Variants in DIAPH1 observed in about 807,000 individuals in gnomAD.
The protein encoded by DIAPH1 is diaphanous related formin 1.
In DIAPH1, 46 loss-of-function variants were observed where a neutral mutation model predicts 140.7. That is an observed-to-expected ratio of 0.33 (90% CI 0.26 to 0.42). DIAPH1 has a LOEUF of 0.42. Ranked by LOEUF, DIAPH1 falls within the 10% of genes least tolerant of loss-of-function variation. The pLI is 1.00. For synonymous variants in DIAPH1, 565 were observed against 551.6 expected (o/e 1.02, Z -0.34); for missense variants, 1,310 against 1,558.7 (o/e 0.84, Z 2.69).
In DIAPH1 at chr5:141,532,355, G is replaced by A. The variant is rs7356685; in HGVS notation, c.2581+1980C>T. 2.5e-3 allele frequency among the ~76,000 whole-genome samples: 377 copies of A among 152,200 alleles called. 4 individuals are homozygous for A. The highest frequency in any genetic ancestry group is 8.7e-3 in the African/African-American group (361 of 41,528). On this transcript the variant is annotated intron_variant, in intron 19 of 27. Coordinates refer to ENST00000389054, the MANE Select transcript of DIAPH1 (RefSeq NM_005219.5). ...CAGCTAGTATTTTATGTTTTGTAGA[G>A]ACAGGGGTCTTGCTTTGTTTCCCAG...
chr5:141,597,833 TCAA>T (rs1371449688), intron 1 of DIAPH1, among the ~76,000 whole-genome samples: 1 of 152,232 alleles, frequency 6.6e-6, no homozygotes, highest in African/African-American at 2.4e-5. Flanking sequence ...ACCTGGACTG[TCAA>T]GGATACTCAT....
chr5:141,547,195 T>C (rs1281949215), intron 18 of DIAPH1, among the ~76,000 whole-genome samples: 1 of 152,236 alleles, frequency 6.6e-6, no homozygotes, highest in Non-Finnish European at 1.5e-5. Flanking sequence ...TCTATGAACA[T>C]TCAGCCAGGC....
intron 1 of DIAPH1, among the ~76,000 whole-genome samples, chr5:141,609,227 T>TA (rs1302010126): frequency 6.7e-6 from 1 of 149,792 alleles, no homozygotes; most frequent in African/African-American, 2.5e-5. Context: ...CTAAGCCTAG[T>TA]ACTTTTTTCC....
In DIAPH1 at chr5:141,614,410, G is replaced by A. The variant is rs140378831; in HGVS notation, c.117+4388C>T. 9.7e-3 allele frequency among the ~76,000 whole-genome samples: 1,478 copies of A among 152,118 alleles called. 27 individuals are homozygous for A. Among genetic ancestry groups the A allele is most frequent in the African/African-American group, 0.033 (1,389 of 41,490 alleles). The stretch of plus-strand genomic sequence containing the variant: ...ACATTTATAAAATACCAAGGGCCTT[G>A]GGGAATAACAAAAGGTGATTCTAAG... On this transcript the variant is annotated intron_variant, in intron 1 of 27. Coordinates refer to ENST00000389054, the MANE Select transcript of DIAPH1 (RefSeq NM_005219.5).
rs570141639 is a variant in DIAPH1, at chr5:141,557,038, AT to A, written c.2482+14389del. Among the ~76,000 whole-genome samples the A allele has an allele frequency of 9.5e-4, 144 of 152,310 alleles. 1 individual carries two copies. The highest frequency in any genetic ancestry group is 3.3e-3 in the African/African-American group (137 of 41,566). ...ATTAAGTCTATAAATAAATTGCAAA[AT>A]AAAAAATAAAAAAGAGCATAAGAGA... On this transcript the variant is annotated intron_variant, in intron 18 of 27. Coordinates refer to ENST00000389054, the MANE Select transcript of DIAPH1 (RefSeq NM_005219.5).
chr5:141,615,967 G>A (rs1355364342), intron 1 of DIAPH1, among the ~76,000 whole-genome samples: 1 of 152,154 alleles, frequency 6.6e-6, no homozygotes, highest in East Asian at 1.9e-4. Context: ...TGAAAAGTCA[G>A]AAAACCCTCT....
chr5:141,563,568 T>C (rs1173256858), intron 18 of DIAPH1: 3 of 152,178 alleles, frequency 2.0e-5, no homozygotes, highest in Admixed American at 2.0e-4. Flanking sequence ...GTTAGAAGTT[T>C]AAGTAATACT....
Position 141,573,749 on chromosome 5 carries a change from GA to G in DIAPH1, c.2100del (p.Pro703HisfsTer65). 7.9e-7 allele frequency: 1 copy of G among 1,258,436 alleles called. No individual in the cohort carries two copies. The highest frequency in any genetic ancestry group is 1.1e-6 in the Non-Finnish European group (1 of 951,574). 78.0% of individuals were successfully genotyped at this position (1,258,436 alleles called of 1,614,324 possible). ...PPPPLPGSAG[I>X]PPPPPPLPGE... ...CCAGGCAAGGGAGGAGGTGGGGGGG[GA>G]ATTCCAGCACTCCCAGGCAAAGGAG... is the stretch of plus-strand genomic sequence containing the variant. On this transcript the variant is annotated frameshift_variant, in exon 16 of 28. Coordinates refer to ENST00000389054, the MANE Select transcript of DIAPH1 (RefSeq NM_005219.5). LOFTEE classifies it high-confidence loss of function.
At chr5:141,578,965 G>C (rs1422716932) in intron 9 of DIAPH1, 123 bp downstream of exon 9, 4 of 829,666 alleles carry the variant, frequency 4.8e-6, no homozygotes, top group Non-Finnish European at 8.5e-6. Flanking sequence ...CTTCATAACA[G>C]ATTCTGAAAT....
chr5:141,572,081 C>A, intron 16 of DIAPH1, 41 bp from the exon 17 acceptor site: 1 of 1,415,420 alleles, frequency 7.1e-7, no homozygotes, highest in Admixed American at 1.7e-5. Flanking sequence ...GTAAACTGAG[C>A]CCTGTACTTT....
At chr5:141,542,537 G>A (rs1027442433) in intron 18 of DIAPH1, among the ~76,000 whole-genome samples, 1 of 152,154 alleles carries the variant, frequency 6.6e-6, no homozygotes, top group African/African-American at 2.4e-5. Flanking sequence ...ATGAGCTACT[G>A]ATAACATGAT....
chr5:141,614,876 C>G (rs916594160), intron 1 of DIAPH1, among the ~76,000 whole-genome samples: 1 of 150,844 alleles, frequency 6.6e-6, no homozygotes, highest in African/African-American at 2.4e-5. Context: ...CAAACTTTTG[C>G]AAAGCTCTCT....
intron 18 of DIAPH1, among the ~76,000 whole-genome samples, chr5:141,546,946 T>C (rs1413590811): frequency 1.3e-5 from 2 of 152,256 alleles, no homozygotes; most frequent in African/African-American, 4.8e-5. Context: ...CCACCATTGT[T>C]ATATGCAATG....
Position 141,584,139 on chromosome 5 carries a change from C to T in DIAPH1, c.387G>A (p.Leu129=). ...IIKREMVSQY[L]YTSKAGMSQK... is the part of the protein sequence containing the mutation. ...CAGGACTCACAGCCTTGGAGGTGTACAAGTATTGGGACACCATCTCCCTCT... is the reference window on the plus strand; with the variant it reads ...CAGGACTCACAGCCTTGGAGGTGTATAAGTATTGGGACACCATCTCCCTCT... Residue 129 remains leucine (L), a synonymous_variant, in exon 4 of 28, where the codon TTG becomes TTA. Coordinates refer to ENST00000389054, the MANE Select transcript of DIAPH1 (RefSeq NM_005219.5). 1 of 1,609,772 alleles carries T rather than the reference C, an allele frequency of 6.2e-7. No homozygotes were observed. The highest frequency in any genetic ancestry group is 8.5e-7 in the Non-Finnish European group (1 of 1,176,364).
chr5:141,536,201 T>G (rs546327061), intron 18 of DIAPH1: 12 of 293,220 alleles, frequency 4.1e-5, no homozygotes, highest in African/African-American at 2.2e-4. Context: ...ACTCAGGAGG[T>G]TGACGTGGGA....
intron 21 of DIAPH1, 21 bp from the exon 22 acceptor site, chr5:141,528,962 T>C: frequency 6.2e-7 from 1 of 1,613,544 alleles, no homozygotes; most frequent in Non-Finnish European, 8.5e-7. Flanking sequence ...ACACAAGCAG[T>C]TCCATTACAG....
At chr5:141,545,378 A>G (rs1303953722) in intron 18 of DIAPH1, among the ~76,000 whole-genome samples, 4 of 152,240 alleles carry the variant, frequency 2.6e-5, no homozygotes, top group Admixed American at 6.5e-5. Context: ...ACAGCTGGAC[A>G]CAGTGGCTCA....
intron 19 of DIAPH1, among the ~76,000 whole-genome samples, chr5:141,534,093 T>C (rs1480638958): frequency 6.6e-6 from 1 of 150,710 alleles, no homozygotes; most frequent in Non-Finnish European, 1.5e-5. Context: ...ACTAGCTTTA[T>C]GTCTAAGCAA....
At chr5:141,570,806 A>C (rs974767192) in intron 18 of DIAPH1, among the ~76,000 whole-genome samples, 2 of 152,198 alleles carry the variant, frequency 1.3e-5, no homozygotes, top group Non-Finnish European at 2.9e-5. Flanking sequence ...ATACTATCTC[A>C]GGGGAAGTAA....
Sources: gnomAD v4.1 joint callset for allele counts (sites outside exome capture counted in the v4.1 genomes callset) on GRCh38, gnomAD v4.1.1 for gene constraint, MANE v1.5 for transcripts, NCBI Gene and HGNC (gene_info 2026-07-23, HGNC 2026-07-21) for gene names.